Variants in VWA8 observed in about 807,000 individuals in gnomAD.
The protein encoded by VWA8 is von Willebrand factor A domain-containing protein 8.
VWA8 carries 221 observed loss-of-function variants against 241.5 expected under a neutral mutation model. The ratio of observed to expected loss-of-function variants is 0.91; its 90% CI spans 0.82 to 1.02. The LOEUF is 1.02. VWA8 is among the 50% of genes least tolerant of loss of function. VWA8 has a pLI of 0.00. For missense variants in VWA8, 2,322 were observed against 2,328.7 expected (o/e 1.00, Z 0.06); for synonymous variants, 852 against 827.1 (o/e 1.03, Z -0.52).
chr13:41,674,603 C>A (rs534613121), intron 36 of VWA8, among the ~76,000 whole-genome samples: 112 of 152,260 alleles, frequency 7.4e-4, no homozygotes, highest in African/African-American at 2.4e-3. Flanking sequence ...AAGGGACGGG[C>A]TCCAGGTGAT....
chr13:41,797,288 C>T (rs1286459973), intron 17 of VWA8, among the ~76,000 whole-genome samples: 2 of 151,920 alleles, frequency 1.3e-5, no homozygotes, highest in South Asian at 2.1e-4. Context: ...GATCCACCCA[C>T]CTCGGCCTCC....
chr13:41,756,918 A>C lies in VWA8; in HGVS notation c.2426+4210T>G, dbSNP rs113216138. Among the ~76,000 whole-genome samples the C allele has an allele frequency of 9.3e-3, 1,406 of 151,906 alleles. 32 individuals are homozygous for C. The highest frequency in any genetic ancestry group is 0.03 in the African/African-American group (1,264 of 41,518). On this transcript the variant is annotated intron_variant, in intron 21 of 44. Coordinates refer to ENST00000379310, the MANE Select transcript of VWA8 (RefSeq NM_015058.2). Reference sequence around the variant, plus strand: ...GTAAACACTATGCAATCAAAACAGCACAAACTCTGCTAAGAATGAACTGCA... The same window carrying C: ...GTAAACACTATGCAATCAAAACAGCCCAAACTCTGCTAAGAATGAACTGCA...
At position 41,605,210 on chromosome 13, in the gene VWA8, C is replaced by A. The variant is rs2044545908; in HGVS notation, c.4944G>T (p.Arg1648=). The change falls in exon 40 of 45, where the codon CGG becomes CGT. Residue 1648 remains arginine, a synonymous_variant. Coordinates refer to ENST00000379310, the MANE Select transcript of VWA8 (RefSeq NM_015058.2). ...ATYERFSGAV[R]RQVHSLRIIL... ...TGATTCGGAGGGAGTGCACCTGTCG[C>A]CGAACAGCACCTGAAAACCTTTCAT... The A allele has an allele frequency of 1.2e-6, 2 of 1,613,070 alleles. No individual in the cohort carries two copies. The highest frequency in any genetic ancestry group is 1.7e-6 in the Non-Finnish European group (2 of 1,179,386).
At chr13:41,760,031 G>A (rs1022226450) in intron 21 of VWA8, among the ~76,000 whole-genome samples, 1 of 151,694 alleles carries the variant, frequency 6.6e-6, no homozygotes, top group Non-Finnish European at 1.5e-5. Context: ...AGATAGGTAT[G>A]GAGTAACTCT....
At chr13:41,810,704 A>C (rs982626783) in intron 17 of VWA8, among the ~76,000 whole-genome samples, 1 of 152,150 alleles carries the variant, frequency 6.6e-6, no homozygotes, top group African/African-American at 2.4e-5. Flanking sequence ...ATTTGATAGC[A>C]TAACAAGGTG....
At chr13:41,720,248 G>A (rs61964891) in intron 25 of VWA8, among the ~76,000 whole-genome samples, 18,481 of 152,062 alleles carry the variant, frequency 0.12, 1,147 homozygotes, top group Middle Eastern at 0.23. Context: ...AAGAAAACAA[G>A]TATGACTACA....
intron 41 of VWA8, 104 bp downstream of exon 41, chr13:41,590,536 C>A: frequency 2.6e-6 from 3 of 1,158,328 alleles, no homozygotes; most frequent in Admixed American, 2.6e-5. Flanking sequence ...TCCTTGGTTA[C>A]CATATTCAGG....
At chr13:41,897,746 A>C (rs948654864) in intron 4 of VWA8, among the ~76,000 whole-genome samples, 2 of 152,096 alleles carry the variant, frequency 1.3e-5, no homozygotes, top group Non-Finnish European at 2.9e-5. Context: ...TGAGTGTTAC[A>C]GCTCATAAAA....
intron 42 of VWA8, among the ~76,000 whole-genome samples, chr13:41,577,828 C>G (rs1357847291): frequency 6.6e-6 from 1 of 152,130 alleles, no homozygotes; most frequent in Non-Finnish European, 1.5e-5. Flanking sequence ...TAACTGATGG[C>G]TAGAGTTCTT....
chr13:41,891,861 C>T (rs565879960), intron 4 of VWA8, among the ~76,000 whole-genome samples: 1 of 152,112 alleles, frequency 6.6e-6, no homozygotes, highest in African/African-American at 2.4e-5. Flanking sequence ...AGATTATATA[C>T]CCAATGAAAT....
chr13:41,762,547 C>T (rs2045748450), intron 20 of VWA8, among the ~76,000 whole-genome samples: 2 of 152,144 alleles, frequency 1.3e-5, no homozygotes. Context: ...TTTTGGTAAT[C>T]TGGGCCTTAA....
In VWA8 at chr13:41,912,147, G is replaced by A. The variant is rs369325555; in HGVS notation, c.263C>T (p.Ser88Phe). Reference protein sequence around the residue: ...QNYISDSLAQSVVQHLRWIMQ... With the variant: ...QNYISDSLAQFVVQHLRWIMQ... ...TATCCATCTTAGATGCTGAACTACA[G>A]ATTGAGCCAGAGAGTCTGAAACTAT... is the stretch of plus-strand genomic sequence containing the variant. The change falls in exon 3 of 45, where the codon TCT (serine) becomes TTT (phenylalanine). Residue 88 changes from serine to phenylalanine, a missense_variant. Transcript: ENST00000379310. The A allele has an allele frequency of 6.2e-7, 1 of 1,603,704 alleles. No individual in the cohort carries two copies. The highest frequency in any genetic ancestry group is 1.3e-5 in the African/African-American group (1 of 74,718).
At chr13:41,681,744 G>A (rs749732403) in intron 35 of VWA8, among the ~76,000 whole-genome samples, 5 of 151,996 alleles carry the variant, frequency 3.3e-5, no homozygotes, top group African/African-American at 7.2e-5. Flanking sequence ...CACTCTTCCC[G>A]TCCCCAAATA....
intron 12 of VWA8, among the ~76,000 whole-genome samples, chr13:41,839,317 A>G (rs780907916): frequency 1.3e-4 from 20 of 152,210 alleles, no homozygotes; most frequent in Non-Finnish European, 2.2e-4. Flanking sequence ...GACTGTTCAT[A>G]TCCTTCGCCC....
chr13:41,893,611 C>A (rs1480394804), intron 4 of VWA8, among the ~76,000 whole-genome samples: 1 of 152,126 alleles, frequency 6.6e-6, no homozygotes, highest in African/African-American at 2.4e-5. Flanking sequence ...ATTGGCCGGG[C>A]TCAGTGGCTC....
At chr13:41,611,870 G>A (rs1261334640) in intron 38 of VWA8, 138 bp from the exon 39 acceptor site, 14 of 970,516 alleles carry the variant, frequency 1.4e-5, no homozygotes, top group Non-Finnish European at 1.0e-5. Flanking sequence ...ATTACCTTCT[G>A]GAAAAAGATG....
chr13:41,783,715 T>G (rs77484363), intron 19 of VWA8, 80 bp downstream of exon 19: 1 of 943,568 alleles, frequency 1.1e-6, no homozygotes, highest in African/African-American at 1.7e-5. Flanking sequence ...CAAAAATAAT[T>G]ACATGTCAAT....
rs1173484206 is a variant in VWA8, at chr13:41,567,080, A to G, written c.*1117T>C. 6.6e-6 allele frequency: 1 copy of G among 152,160 alleles called. No individual in the cohort carries two copies. The highest frequency in any genetic ancestry group is 6.5e-5 in the Admixed American group (1 of 15,276). 9.4% of individuals were successfully genotyped at this position (152,160 alleles called of 1,614,324 possible). A position where few individuals can be genotyped will look rare whatever the true frequency, so the allele number is the denominator to read the frequency against. The stretch of plus-strand genomic sequence containing the variant: ...TCTGATTTTGCTATCAATCGTGAAG[A>G]GGAGTTTTTAAATTATATGGTTAAA... On this transcript the variant is annotated 3_prime_UTR_variant, in exon 45 of 45. Transcript: ENST00000379310.
intron 21 of VWA8, among the ~76,000 whole-genome samples, chr13:41,736,882 C>A (rs2045529609): frequency 7.4e-6 from 1 of 135,548 alleles, no homozygotes; most frequent in Non-Finnish European, 1.5e-5. Context: ...CTCGCTTTGT[C>A]ACCTATGCTG....
Sources: gnomAD v4.1 joint callset for allele counts (sites outside exome capture counted in the v4.1 genomes callset) on GRCh38, gnomAD v4.1.1 for gene constraint, MANE v1.5 for transcripts, NCBI Gene and HGNC (gene_info 2026-07-23, HGNC 2026-07-21) for gene names.